Variants in ADAMTSL1 observed in about 807,000 individuals in gnomAD.
ADAMTSL1 encodes the protein ADAMTS like 1, also known as ADAMTS-like protein 1.
In ADAMTSL1, 126 loss-of-function variants were observed where a neutral mutation model predicts 201.8. The ratio of observed to expected loss-of-function variants is 0.62; its 90% CI spans 0.54 to 0.72. The LOEUF (loss-of-function observed/expected upper bound fraction) is 0.72, where lower values mean the gene tolerates loss of function less well. ADAMTSL1 is among the 30% of genes least tolerant of loss of function. ADAMTSL1 has a pLI of 0.00. For synonymous variants in ADAMTSL1, 1,121 were observed against 903.4 expected, an observed-to-expected ratio of 1.24 and a Z score of -4.32; for missense variants, 2,679 against 2,277.8, an observed-to-expected ratio of 1.18 and a Z score of -3.59.
intron 2 of ADAMTSL1, among the ~76,000 whole-genome samples, chr9:18,321,936 A>G (rs1182909054): frequency 1.3e-5 from 2 of 152,242 alleles, no homozygotes; most frequent in Non-Finnish European, 2.9e-5. Flanking sequence ...ATTTTACAAG[A>G]TATGTTTTCT....
chr9:18,190,142 G>T (rs1828911738), intron 2 of ADAMTSL1, among the ~76,000 whole-genome samples: 1 of 152,168 alleles, frequency 6.6e-6, no homozygotes, highest in Non-Finnish European at 1.5e-5. Context: ...AAATTCAGGG[G>T]AATGAAGTGT....
chr9:18,877,144 C>T (rs937121511), intron 23 of ADAMTSL1, among the ~76,000 whole-genome samples: 8 of 152,064 alleles, frequency 5.3e-5, no homozygotes, highest in Admixed American at 3.3e-4. Context: ...CCATCCATAT[C>T]CTGTATCATT....
intron 5 of ADAMTSL1, among the ~76,000 whole-genome samples, chr9:18,634,187 G>T (rs1414493409): frequency 1.3e-5 from 2 of 152,238 alleles, no homozygotes; most frequent in African/African-American, 2.4e-5. Context: ...AAGGTTCAGA[G>T]AAATTGAGTA....
At chr9:18,228,604 G>A (rs1830518760) in intron 2 of ADAMTSL1, among the ~76,000 whole-genome samples, 1 of 151,970 alleles carries the variant, frequency 6.6e-6, no homozygotes, top group Non-Finnish European at 1.5e-5. Context: ...AATTTTTATA[G>A]AGACAGGGTT....
rs189676825 is a variant in ADAMTSL1 at position 18,856,686 on chromosome 9, G to A, written c.4249+26709G>A. Among the ~76,000 whole-genome samples, 24 of 152,062 alleles carry A rather than the reference G, an allele frequency of 1.6e-4. No homozygotes were observed. The East Asian group carries it at 3.3e-3, about 21-fold the overall frequency. ...TTGGCCAAGCTGGTCTTGAACTACT[G>A]GCCTCAAGCAATCCTCCTGCCTCCG... On this transcript the variant is annotated intron_variant, in intron 23 of 28. Transcript: ENST00000380548.
At chr9:18,596,025 C>A (rs912870413) in intron 4 of ADAMTSL1, among the ~76,000 whole-genome samples, 1 of 152,164 alleles carries the variant, frequency 6.6e-6, no homozygotes, top group African/African-American at 2.4e-5. Flanking sequence ...GGAATATGAG[C>A]AGGTTACCTC....
intron 15 of ADAMTSL1, among the ~76,000 whole-genome samples, chr9:18,739,340 T>C (rs917096233): frequency 9.2e-5 from 14 of 152,238 alleles, no homozygotes; most frequent in Non-Finnish European, 1.9e-4. Context: ...CTTGACATTA[T>C]GCTCACATGT....
rs187399670 is a variant in ADAMTSL1 at position 18,028,502 on chromosome 9, G to T, written c.87+121580G>T. Among the ~76,000 whole-genome samples the T allele has an allele frequency of 5.1e-4, 77 of 152,084 alleles. 1 individual carries two copies. Among genetic ancestry groups the T allele is most frequent in the Non-Finnish European group, 8.2e-4 (56 of 67,916 alleles). On this transcript the variant is annotated intron_variant, in intron 1 of 29. Coordinates refer to the ADAMTSL1 transcript ENST00000680146. ...AGAAATCCTCTGATAGCCTAATGGG[G>T]TTCTCTTCTCTGACCCTTTTCTCTA... is the stretch of plus-strand genomic sequence containing the variant.
intron 2 of ADAMTSL1, among the ~76,000 whole-genome samples, chr9:18,527,966 C>T (rs1321780348): frequency 6.6e-6 from 1 of 152,174 alleles, no homozygotes; most frequent in African/African-American, 2.4e-5. Context: ...CAAGCTCCAC[C>T]TCCTGGGTTC....
chr9:18,800,377 CAAAAAA>C (rs58346548), intron 20 of ADAMTSL1, among the ~76,000 whole-genome samples: 20 of 60,674 alleles, frequency 3.3e-4, no homozygotes, highest in Admixed American at 9.7e-4. Context: ...AACTCCATCT[CAAAAAA>C]AAAAAAAAAA....
In ADAMTSL1 at chr9:17,936,895, T is replaced by A. The variant is rs139808408; in HGVS notation, c.87+29973T>A. Among the ~76,000 whole-genome samples, 111 of 152,294 alleles carry A rather than the reference T, an allele frequency of 7.3e-4. 3 individuals are homozygous for A. The East Asian group carries it at 0.02, about 27-fold the overall frequency. ...TATAATTATTTTTTGATATTTTCCA[T>A]GTGGCTTTTGGTCTGAGGGTAGCAT... On this transcript the variant is annotated intron_variant, in intron 1 of 29. Coordinates refer to the ADAMTSL1 transcript ENST00000680146.
At chr9:17,916,281 T>C (rs1208858295) in intron 1 of ADAMTSL1, among the ~76,000 whole-genome samples, 1 of 152,198 alleles carries the variant, frequency 6.6e-6, no homozygotes, top group East Asian at 1.9e-4. Context: ...TGGCCTGTCT[T>C]TTCATTTTCT....
At chr9:18,902,410 C>A (rs1046491047) in intron 26 of ADAMTSL1, among the ~76,000 whole-genome samples, 6 of 152,190 alleles carry the variant, frequency 3.9e-5, no homozygotes, top group South Asian at 4.1e-4. Context: ...TACAGAGTAT[C>A]TTTTCCAACC....
intron 2 of ADAMTSL1, among the ~76,000 whole-genome samples, chr9:18,341,764 A>T (rs899632499): frequency 6.6e-6 from 1 of 152,110 alleles, no homozygotes; most frequent in African/African-American, 2.4e-5. Flanking sequence ...TCCCTCTTTG[A>T]TCTAATAGGC....
chr9:17,946,946 AT>A lies in ADAMTSL1; in HGVS notation c.87+40025del, dbSNP rs113564950. ...TGGATTTGTGTACAAAAACAGATCA[AT>A]ACCATTATAGGACACTAGGGTTGAT... is the stretch of plus-strand genomic sequence containing the variant. On this transcript the variant is annotated intron_variant, in intron 1 of 29. Coordinates refer to the ADAMTSL1 transcript ENST00000680146. Among the ~76,000 whole-genome samples, 231 of 152,248 alleles carry A rather than the reference AT, an allele frequency of 1.5e-3. 1 individual carries two copies. The highest frequency in any genetic ancestry group is 5.2e-3 in the African/African-American group (216 of 41,556).
intron 2 of ADAMTSL1, among the ~76,000 whole-genome samples, chr9:18,413,314 G>A (rs1412380887): frequency 3.3e-5 from 5 of 151,918 alleles, no homozygotes; most frequent in East Asian, 1.9e-4. Flanking sequence ...ACAAGCGCCC[G>A]CCACCACACC....
intron 22 of ADAMTSL1, among the ~76,000 whole-genome samples, chr9:18,827,151 GGAGATAAAGTTAAA>G (rs1355441914): frequency 7.6e-6 from 1 of 131,426 alleles, no homozygotes; most frequent in Non-Finnish European, 1.6e-5. Context: ...TGGGTGCTAG[GGAGATAAAGTTAAA>G]AAAAAAAAAA....
At chr9:18,272,528 A>G (rs1832417449) in intron 2 of ADAMTSL1, among the ~76,000 whole-genome samples, 4 of 152,178 alleles carry the variant, frequency 2.6e-5, no homozygotes, top group African/African-American at 9.7e-5. Flanking sequence ...AGGCAATACC[A>G]TTCAGGACAT....
intron 2 of ADAMTSL1, among the ~76,000 whole-genome samples, chr9:18,334,236 AT>A (rs1835141829): frequency 6.6e-6 from 1 of 152,054 alleles, no homozygotes; most frequent in Non-Finnish European, 1.5e-5. Context: ...CATTTTATTC[AT>A]TTTCTAAGCA....
Sources: gnomAD v4.1 joint callset for allele counts (sites outside exome capture counted in the v4.1 genomes callset) on GRCh38, gnomAD v4.1.1 for gene constraint, MANE v1.5 for transcripts, NCBI Gene and HGNC (gene_info 2026-07-23, HGNC 2026-07-21) for gene names.